Variants in SUSD1 observed in about 807,000 individuals in gnomAD.
The protein encoded by SUSD1 is sushi domain-containing protein 1.
In SUSD1, 65 loss-of-function variants were observed where a neutral mutation model predicts 86.9. The ratio of observed to expected loss-of-function variants is 0.75; its 90% confidence interval spans 0.61 to 0.92. SUSD1 has a LOEUF of 0.92. Among genes scored for constraint, SUSD1 ranks in the 40% least tolerant of loss-of-function variants. The probability of loss-of-function intolerance (pLI) is 0.00; values close to 1 mark genes in which losing one functional copy is unlikely to be tolerated. For synonymous variants in SUSD1, 346 were observed against 350.0 expected (o/e 0.99, Z 0.13); for missense variants, 850 against 929.7 (o/e 0.91, Z 1.11).
At chr9:112,141,255 C>G (rs1306879033) in intron 5 of SUSD1, among the ~76,000 whole-genome samples, 1 of 152,200 alleles carries the variant, frequency 6.6e-6, no homozygotes, top group Non-Finnish European at 1.5e-5. Context: ...TACGATGTCA[C>G]TAGGCAATAG....
At chr9:112,139,974 C>T (rs930674018) in intron 5 of SUSD1, among the ~76,000 whole-genome samples, 3 of 151,940 alleles carry the variant, frequency 2.0e-5, no homozygotes, top group African/African-American at 7.3e-5. Flanking sequence ...GCCTGGAATC[C>T]CAGCACTGTG....
intron 12 of SUSD1, among the ~76,000 whole-genome samples, chr9:112,065,488 GC>G (rs1828938368): frequency 6.6e-6 from 1 of 152,230 alleles, no homozygotes; most frequent in African/African-American, 2.4e-5. Flanking sequence ...TTGTGCCACT[GC>G]ACTCCAGCCT....
chr9:112,142,467 C>G lies in SUSD1; in HGVS notation c.559G>C (p.Asp187His). 6.2e-7 allele frequency: 1 copy of G among 1,613,596 alleles called. No homozygotes were observed. Among genetic ancestry groups the G allele is most frequent in the South Asian group, 1.1e-5 (1 of 91,020 alleles). ...GTATAATTTCCTATGATATAGCCAT[C>G]TGGAACCTCAGGAGGGGTACCACAG... ...IDCGTPPEVP[D>H]GYIIGNYTSS... Residue 187 changes from aspartate to histidine, a missense_variant, in exon 5 of 17, where the codon GAT becomes CAT. Asp to His is a moderately conservative substitution (Grantham distance 81). Coordinates refer to ENST00000374270, the MANE Select transcript of SUSD1 (RefSeq NM_022486.5).
At chr9:112,119,287 A>G (rs1006569663) in intron 6 of SUSD1, among the ~76,000 whole-genome samples, 1 of 152,214 alleles carries the variant, frequency 6.6e-6, no homozygotes, top group Admixed American at 6.5e-5. Flanking sequence ...CCTCATTCAC[A>G]TATTCCAATA....
At chr9:112,151,558 T>C (rs917909230) in intron 2 of SUSD1, among the ~76,000 whole-genome samples, 1 of 151,078 alleles carries the variant, frequency 6.6e-6, no homozygotes, top group African/African-American at 2.4e-5. Context: ...GATCATGCCA[T>C]TGCACTCCAG....
At chr9:112,147,661 C>T (rs559473361) in intron 3 of SUSD1, among the ~76,000 whole-genome samples, 6 of 151,932 alleles carry the variant, frequency 3.9e-5, no homozygotes, top group Admixed American at 3.9e-4. Context: ...CCCAGCTACT[C>T]AGGAGGCTGA....
chr9:112,111,787 T>C lies in SUSD1; in HGVS notation c.1038A>G (p.Thr346=). The C allele has an allele frequency of 3.1e-6, 5 of 1,614,178 alleles. No homozygotes were observed. The highest frequency in any genetic ancestry group is 3.4e-6 in the Non-Finnish European group (4 of 1,180,004). The part of the protein sequence containing the change: ...LDPMESVREE[T]VNLTTDSRTP... The stretch of plus-strand genomic sequence containing the variant: ...TCCTGCTGTCTGTGGTCAAGTTGAC[T>C]GTCTCCTCACGAACTGATTCCATAG... Residue 346 remains threonine (T), a synonymous_variant, in exon 8 of 17, where the codon ACA becomes ACG. Transcript: ENST00000374270.
intron 5 of SUSD1, among the ~76,000 whole-genome samples, chr9:112,131,796 C>A (rs929460308): frequency 6.6e-6 from 1 of 152,176 alleles, no homozygotes. Flanking sequence ...TGGCTAATTA[C>A]GTTATTAAGT....
At chr9:112,173,668 C>A (rs1437878552) in intron 1 of SUSD1, 2 of 450,722 alleles carry the variant, frequency 4.4e-6, no homozygotes, top group Non-Finnish European at 8.6e-6. Context: ...CGGGCACGAG[C>A]ACGTTTCCCA....
intron 15 of SUSD1, among the ~76,000 whole-genome samples, chr9:112,043,779 T>C (rs1039273027): frequency 1.3e-5 from 2 of 152,104 alleles, no homozygotes; most frequent in African/African-American, 4.8e-5. Context: ...GCTAGATTAC[T>C]TATTTTGTTT....
chr9:112,043,755 T>C (rs1047046062), intron 15 of SUSD1, among the ~76,000 whole-genome samples: 6 of 152,142 alleles, frequency 3.9e-5, no homozygotes, highest in African/African-American at 7.2e-5. Context: ...AAAATGGCCT[T>C]GACACTTTAA....
At chr9:112,157,743 T>C in intron 1 of SUSD1, 130 bp from the exon 2 acceptor site, 2 of 585,758 alleles carry the variant, frequency 3.4e-6, no homozygotes, top group Non-Finnish European at 6.0e-6. Flanking sequence ...GTCTCATCCT[T>C]AAAAACCTTC....
intron 10 of SUSD1, among the ~76,000 whole-genome samples, chr9:112,081,885 T>C (rs1829781547): frequency 6.6e-6 from 1 of 152,232 alleles, no homozygotes; most frequent in Non-Finnish European, 1.5e-5. Flanking sequence ...GTTACTTTTA[T>C]AAATGGAACT....
At chr9:112,107,305 C>T (rs1252439736) in intron 8 of SUSD1, among the ~76,000 whole-genome samples, 2 of 147,652 alleles carry the variant, frequency 1.4e-5, no homozygotes, top group African/African-American at 5.0e-5. Flanking sequence ...AAAAAGAGGC[C>T]AGACGTGGTG....
At chr9:112,153,496 T>C (rs1833155651) in intron 2 of SUSD1, among the ~76,000 whole-genome samples, 1 of 152,114 alleles carries the variant, frequency 6.6e-6, no homozygotes, top group Non-Finnish European at 1.5e-5. Flanking sequence ...GTTTAGTAGT[T>C]AAGTTTTTTT....
intron 10 of SUSD1, among the ~76,000 whole-genome samples, chr9:112,095,365 G>A (rs978657502): frequency 1.3e-5 from 2 of 152,188 alleles, no homozygotes; most frequent in African/African-American, 4.8e-5. Context: ...AAGTAAGAAC[G>A]TTCTCAGAGG....
intron 5 of SUSD1, among the ~76,000 whole-genome samples, chr9:112,135,005 G>A (rs147926817): frequency 2.7e-4 from 41 of 151,966 alleles, no homozygotes; most frequent in Non-Finnish European, 3.8e-4. Context: ...GGCAGAGGTT[G>A]CAGTGAGTCA....
intron 14 of SUSD1, among the ~76,000 whole-genome samples, chr9:112,053,002 T>C (rs6477878): frequency 0.26 from 39,319 of 152,026 alleles, 7,461 homozygotes; most frequent in African/African-American, 0.54. Flanking sequence ...GTGGAATGAA[T>C]ATCTCTTCCC....
At position 112,112,825 on chromosome 9, in the gene SUSD1, G is replaced by T; in HGVS notation, c.930C>A (p.Thr310=). The change falls in exon 7 of 17, where the codon ACC becomes ACA. Residue 310 remains threonine, a synonymous_variant. Transcript: ENST00000374270. ...KINDVSLFND[T]CVRWQINSRR... ...TTGAGTTTATTTGCCATCTCACACA[G>T]GTATCATTAAACAGTGATACATCAT... 1 of 1,613,200 alleles carries T rather than the reference G, an allele frequency of 6.2e-7. No homozygotes were observed. Among genetic ancestry groups the T allele is most frequent in the Non-Finnish European group, 8.5e-7 (1 of 1,179,340 alleles).
Sources: gnomAD v4.1 joint callset for allele counts (sites outside exome capture counted in the v4.1 genomes callset) on GRCh38, gnomAD v4.1.1 for gene constraint, MANE v1.5 for transcripts, NCBI Gene and HGNC (gene_info 2026-07-23, HGNC 2026-07-21) for gene names.